The following ANKFN1 variants were observed in gnomAD, a reference collection of about 807,000 sequenced individuals.
ANKFN1 encodes ankyrin repeat and fibronectin type-III domain-containing protein 1.
ANKFN1 carries 74 observed loss-of-function variants against 108.7 expected under a neutral mutation model. That is an observed-to-expected ratio of 0.68 (90% CI 0.56 to 0.83). The LOEUF (loss-of-function observed/expected upper bound fraction) is 0.83, where lower values mean the gene tolerates loss of function less well. ANKFN1 is among the 40% of genes least tolerant of loss of function. ANKFN1 has a pLI of 0.00. For synonymous variants in ANKFN1, 547 were observed against 516.2 expected (o/e 1.06, Z -0.81); for missense variants, 1,505 against 1,382.3 (o/e 1.09, Z -1.41).
intron 4 of ANKFN1, among the ~76,000 whole-genome samples, chr17:56,049,716 T>C (rs1904741639): frequency 6.7e-6 from 1 of 149,614 alleles, no homozygotes; most frequent in African/African-American, 2.5e-5. Flanking sequence ...ACAAAGGACA[T>C]GAACTCATCA....
At chr17:56,187,080 C>T (rs1364425704) in intron 1 of ANKFN1, among the ~76,000 whole-genome samples, 1 of 152,148 alleles carries the variant, frequency 6.6e-6, no homozygotes, top group Non-Finnish European at 1.5e-5. Context: ...CCAAAATTGA[C>T]AAATGGGATC....
chr17:56,198,593 T>C (rs1208355708), intron 1 of ANKFN1, among the ~76,000 whole-genome samples: 1 of 152,334 alleles, frequency 6.6e-6, no homozygotes, highest in South Asian at 2.1e-4. Context: ...GTCCTTATTT[T>C]CTTCTTTTTG....
intron 6 of ANKFN1, among the ~76,000 whole-genome samples, chr17:56,366,558 C>T (rs2046668065): frequency 1.3e-5 from 2 of 152,204 alleles, no homozygotes; most frequent in Non-Finnish European, 2.9e-5. Context: ...AGGGTAAATG[C>T]CCTATACAGC....
At chr17:56,133,414 T>C (rs1310355914) in intron 4 of ANKFN1, among the ~76,000 whole-genome samples, 1 of 152,184 alleles carries the variant, frequency 6.6e-6, no homozygotes, top group Non-Finnish European at 1.5e-5. Flanking sequence ...TCAGTTTGCT[T>C]TCGTCTCCTA....
intron 4 of ANKFN1, among the ~76,000 whole-genome samples, chr17:56,066,619 CTT>C (rs1905061222): frequency 6.6e-6 from 1 of 152,066 alleles, no homozygotes; most frequent in Non-Finnish European, 1.5e-5. Flanking sequence ...CGTGTATCAT[CTT>C]AACCATTTTT....
At chr17:56,234,342 G>A (rs924098681) in intron 3 of ANKFN1, among the ~76,000 whole-genome samples, 2 of 137,006 alleles carry the variant, frequency 1.5e-5, no homozygotes, top group Non-Finnish European at 3.1e-5. Flanking sequence ...TTTCCTTTGG[G>A]GTTTTTTTTT....
chr17:56,335,525 T>C (rs1319832376), intron 4 of ANKFN1, among the ~76,000 whole-genome samples: 5 of 151,586 alleles, frequency 3.3e-5, no homozygotes, highest in Non-Finnish European at 5.9e-5. Flanking sequence ...CTGTTTGTTA[T>C]TGGTGTATAG....
At chr17:56,219,411 T>A (rs1436408762) in intron 2 of ANKFN1, among the ~76,000 whole-genome samples, 17 of 152,116 alleles carry the variant, frequency 1.1e-4, no homozygotes, top group Admixed American at 1.1e-3. Flanking sequence ...CATGCCTGGC[T>A]AATTTTTGCA....
At position 56,117,733 on chromosome 17, in the gene ANKFN1, A is replaced by G. The variant is rs192558399; in HGVS notation, c.288+71408A>G. On this transcript the variant is annotated intron_variant, in intron 4 of 12. Transcript: ENST00000635860. Reference sequence around the variant, plus strand: ...TGTTCTGTAAGGTTTCTTTTAAGCTATATTTTACAAACTGTACAAATTACC... The same window carrying G: ...TGTTCTGTAAGGTTTCTTTTAAGCTGTATTTTACAAACTGTACAAATTACC... 3.3e-5 allele frequency among the ~76,000 whole-genome samples: 5 copies of G among 152,278 alleles called. No individual in the cohort carries two copies. The East Asian group carries it at 9.6e-4, about 29-fold the overall frequency.
At chr17:56,159,033 C>CAAAAAAA (rs57878541) in intron 1 of ANKFN1, among the ~76,000 whole-genome samples, 13 of 70,980 alleles carry the variant, frequency 1.8e-4, no homozygotes, top group East Asian at 5.1e-4. Flanking sequence ...TGGTCTAGGC[C>CAAAAAAA]AAAAAAAAAA....
At chr17:56,404,099 TTCC>T (rs2047844583) in intron 8 of ANKFN1, among the ~76,000 whole-genome samples, 1 of 152,142 alleles carries the variant, frequency 6.6e-6, no homozygotes, top group Admixed American at 6.6e-5. Flanking sequence ...TTAAGATTCT[TTCC>T]TTCTTCTTAA....
chr17:56,404,569 C>T (rs1205593368), intron 8 of ANKFN1, among the ~76,000 whole-genome samples: 1 of 152,056 alleles, frequency 6.6e-6, no homozygotes, highest in East Asian at 1.9e-4. Flanking sequence ...ACTTCTTGTA[C>T]CACCTTTTGG....
chr17:56,509,490 A>G (rs775931927), intron 20 of ANKFN1, among the ~76,000 whole-genome samples: 1 of 152,240 alleles, frequency 6.6e-6, no homozygotes, highest in Admixed American at 6.5e-5. Flanking sequence ...CAGAAGTTTC[A>G]TACCATACTT....
chr17:56,269,450 T>G (rs2043736234), intron 3 of ANKFN1, among the ~76,000 whole-genome samples: 1 of 152,112 alleles, frequency 6.6e-6, no homozygotes, highest in African/African-American at 2.4e-5. Flanking sequence ...AAAGCTGACT[T>G]TGAGATATTA....
chr17:56,352,171 C>T (rs1397016061), intron 5 of ANKFN1, among the ~76,000 whole-genome samples: 2 of 152,210 alleles, frequency 1.3e-5, no homozygotes, highest in African/African-American at 4.8e-5. Context: ...AAACACTTTA[C>T]CATTCAGCAG....
intron 3 of ANKFN1, among the ~76,000 whole-genome samples, chr17:56,320,616 T>C (rs1598402384): frequency 1.3e-5 from 2 of 152,074 alleles, no homozygotes; most frequent in African/African-American, 2.4e-5. Flanking sequence ...GCTTGAGAAT[T>C]CTAATGATGA....
At chr17:56,458,028 G>A in intron 14 of ANKFN1, 49 bp downstream of exon 14, 1 of 1,509,914 alleles carries the variant, frequency 6.6e-7, no homozygotes. Context: ...TATTTTTAAT[G>A]TAGAAAATTC....
In ANKFN1 at chr17:56,104,855, G is replaced by A. The variant is rs187333207; in HGVS notation, c.288+58530G>A. Among the ~76,000 whole-genome samples, 343 of 152,192 alleles carry A rather than the reference G, an allele frequency of 2.3e-3. 3 individuals are homozygous for A. The highest frequency in any genetic ancestry group is 7.9e-3 in the African/African-American group (328 of 41,530). ...CAGGATTCTAGAGTCCTTGAGGAGA[G>A]GGTCACAGGACAACTACATTAAAAA... On this transcript the variant is annotated intron_variant, in intron 4 of 12. Coordinates refer to the ANKFN1 transcript ENST00000635860.
intron 2 of ANKFN1, among the ~76,000 whole-genome samples, chr17:56,226,947 A>C (rs1286890238): frequency 6.6e-6 from 1 of 152,138 alleles, no homozygotes; most frequent in East Asian, 1.9e-4. Context: ...CAATTTGCCC[A>C]AATCACACTA....
Sources: allele counts gnomAD v4.1 joint callset (sites outside exome capture counted in the v4.1 genomes callset), GRCh38; gene constraint gnomAD v4.1.1; transcripts MANE v1.5; gene names NCBI Gene and HGNC (gene_info 2026-07-23, HGNC 2026-07-21).